ORM1: variants seen among roughly 807,000 people sequenced by gnomAD.
ORM1 encodes orosomucoid 1.
A neutral mutation model predicts 26.9 loss-of-function variants in ORM1; 13 were observed. That is an observed-to-expected ratio of 0.48 (90% confidence interval 0.31 to 0.77). ORM1 has a LOEUF of 0.77. ORM1 is among the 30% of genes least tolerant of loss of function. The pLI, the probability that ORM1 is intolerant of heterozygous loss-of-function variation, is 0.04. For synonymous variants in ORM1, 76 were observed against 102.2 expected (o/e 0.74, Z 1.55); for missense variants, 189 against 246.8 (o/e 0.77, Z 1.57).
chr9:114,325,669 C>T (rs187565575), intron 5 of ORM1, among the ~76,000 whole-genome samples: 469 of 152,028 alleles, frequency 3.1e-3, no homozygotes, highest in African/African-American at 0.01. Flanking sequence ...GGAAGACTTG[C>T]GTTGGTGTGG....
chr9:114,324,988 C>T lies in ORM1; in HGVS notation c.437-61C>T, dbSNP rs1422952221. ...TGGGCTGGCCCCTAGAACCCCAGCCCTCCCTGGCCTCCCGCCGGGCCCCAC... is the reference window on the plus strand; with the variant it reads ...TGGGCTGGCCCCTAGAACCCCAGCCTTCCCTGGCCTCCCGCCGGGCCCCAC... On this transcript the variant is annotated intron_variant, in intron 4 of 5. Transcript: ENST00000259396. 3.1e-6 allele frequency: 5 copies of T among 1,595,002 alleles called. No homozygotes were observed. The African/African-American group carries it at 6.7e-5, about 21-fold the overall frequency.
At chr9:114,324,920 A>T in intron 4 of ORM1, 23 bp downstream of exon 4, 1 of 1,606,930 alleles carries the variant, frequency 6.2e-7, no homozygotes, top group South Asian at 1.1e-5. Context: ...AGCAGCCCCA[A>T]ACTCATGCCC....
intron 3 of ORM1, 97 bp from the exon 4 acceptor site, chr9:114,324,693 C>G (rs1829739949): frequency 5.1e-6 from 5 of 988,400 alleles, no homozygotes; most frequent in Admixed American, 4.3e-5. Flanking sequence ...CACTGATGGG[C>G]TGTGTGGCCA....
At chr9:114,323,979 A>C in intron 2 of ORM1, 39 bp from the exon 3 acceptor site, 1 of 1,610,984 alleles carries the variant, frequency 6.2e-7, no homozygotes, top group Admixed American at 1.7e-5. Flanking sequence ...ACTTCTCAAT[A>C]ATCTTCCTGT....
chr9:114,326,059 C>T lies in ORM1; in HGVS notation c.541-233C>T, dbSNP rs372253280. Among the ~76,000 whole-genome samples, 128 of 150,196 alleles carry T rather than the reference C, an allele frequency of 8.5e-4. 2 individuals carry two copies. Among genetic ancestry groups the T allele is most frequent in the South Asian group, 5.0e-3 (24 of 4,812 alleles). Reference sequence around the variant, plus strand: ...GCAGGTCCTAAGTGCACAGTAAATGCCAGTGATTCTTAAGAGTCTGAGCTC... The same window carrying T: ...GCAGGTCCTAAGTGCACAGTAAATGTCAGTGATTCTTAAGAGTCTGAGCTC... On this transcript the variant is annotated intron_variant, in intron 5 of 5. Coordinates refer to ENST00000259396, the MANE Select transcript of ORM1 (RefSeq NM_000607.4).
chr9:114,325,089 C>A lies in ORM1; in HGVS notation c.477C>A (p.Phe159Leu). Residue 159 changes from phenylalanine to leucine, a missense_variant, in exon 5 of 6, where the codon TTC becomes TTA. Physicochemically the swap from Phe to Leu is conservative, Grantham distance 22 (BLOSUM62 0). Around this residue, in one of 3 missense-constraint regions of ORM1, gnomAD observed 163 missense variants for 157.7 expected, o/e 1.03. Coordinates refer to ENST00000259396, the MANE Select transcript of ORM1 (RefSeq NM_000607.4). ...PETTKEQLGE[F>L]YEALDCLRIP... The stretch of plus-strand genomic sequence containing the variant: ...CGACCAAGGAGCAACTGGGAGAGTT[C>A]TACGAAGCTCTCGACTGCTTGCGCA... The A allele has an allele frequency of 6.2e-7, 1 of 1,614,034 alleles. No individual in the cohort carries two copies. The highest frequency in any genetic ancestry group is 8.5e-7 in the Non-Finnish European group (1 of 1,179,890).
At chr9:114,324,761 C>T in intron 3 of ORM1, 29 bp from the exon 4 acceptor site, 2 of 1,566,794 alleles carry the variant, frequency 1.3e-6, no homozygotes, top group Non-Finnish European at 1.8e-6. Flanking sequence ...ATCCCATGTT[C>T]TCACCCAGAG....
At position 114,323,910 on chromosome 9, in the gene ORM1, G is replaced by C. The variant is rs374663137; in HGVS notation, c.257+105G>C. The C allele has an allele frequency of 1.6e-5, 26 of 1,604,590 alleles. No homozygotes were observed. The African/African-American group carries it at 2.7e-4, about 17-fold the overall frequency. ...TTGGCCTTCCCATGGGTGGAACCGGGAGGGCTGGCTTTAATCTCCACCAGA... is the reference window on the plus strand; with the variant it reads ...TTGGCCTTCCCATGGGTGGAACCGGCAGGGCTGGCTTTAATCTCCACCAGA... On this transcript the variant is annotated intron_variant, in intron 2 of 5. Coordinates refer to ENST00000259396, the MANE Select transcript of ORM1 (RefSeq NM_000607.4).
rs779105648 is a variant in ORM1, at chr9:114,324,810, G to T, written c.349G>T (p.Ala117Ser). Residue 117 changes from alanine (A) to serine (S), a missense_variant, in exon 4 of 6, where the codon GCT becomes TCT. Physicochemically the swap from Ala to Ser is moderately conservative, Grantham distance 99 (BLOSUM62 1). This residue lies in a region of ORM1 where 163 missense variants were observed against 157.7 expected (regional missense o/e 1.03). Coordinates refer to ENST00000259396, the MANE Select transcript of ORM1 (RefSeq NM_000607.4). ...TCCAGTGGGAGGCCAAGAGCATTTC[G>T]CTCACTTGCTGATCCTCAGGGACAC... The part of the protein sequence containing the change: ...SRYVGGQEHF[A>S]HLLILRDTKT... 5.0e-6 allele frequency: 8 copies of T among 1,613,866 alleles called. No individual in the cohort carries two copies. The highest frequency in any genetic ancestry group is 2.2e-5 in the South Asian group (2 of 91,082).
chr9:114,324,924 C>T (rs1206678750), intron 4 of ORM1, 27 bp downstream of exon 4: 2 of 1,605,364 alleles, frequency 1.2e-6, no homozygotes, highest in Non-Finnish European at 1.7e-6. Flanking sequence ...GCCCCAAACT[C>T]ATGCCCCTCT....
chr9:114,324,264 G>T (rs138579796), intron 3 of ORM1, among the ~76,000 whole-genome samples, 176 bp downstream of exon 3: 614 of 152,180 alleles, frequency 4.0e-3, no homozygotes, highest in African/African-American at 0.014. Flanking sequence ...GAGAATTAGA[G>T]GAGGAAAAAG....
At chr9:114,325,943 A>G (rs901221294) in intron 5 of ORM1, among the ~76,000 whole-genome samples, 27 of 151,964 alleles carry the variant, frequency 1.8e-4, no homozygotes, top group African/African-American at 5.8e-4. Context: ...GGAGCCTCGA[A>G]TGGGTCCCAA....
At chr9:114,325,591 C>T (rs950666868) in intron 5 of ORM1, among the ~76,000 whole-genome samples, 9 of 152,048 alleles carry the variant, frequency 5.9e-5, no homozygotes, top group African/African-American at 1.9e-4. Context: ...GTCACCATCC[C>T]GATTTTTGCT....
chr9:114,324,922 C>G, intron 4 of ORM1, 25 bp downstream of exon 4: 4 of 1,605,164 alleles, frequency 2.5e-6, no homozygotes, highest in Non-Finnish European at 3.4e-6. Flanking sequence ...CAGCCCCAAA[C>G]TCATGCCCCT....
chr9:114,324,830 G>T lies in ORM1; in HGVS notation c.369G>T (p.Arg123Ser). 1 of 1,614,154 alleles carries T rather than the reference G, an allele frequency of 6.2e-7. No individual in the cohort carries two copies. The highest frequency in any genetic ancestry group is 8.5e-7 in the Non-Finnish European group (1 of 1,180,010). Reference sequence around the variant, plus strand: ...ATTTCGCTCACTTGCTGATCCTCAGGGACACCAAGACCTACATGCTTGCTT... The same window carrying T: ...ATTTCGCTCACTTGCTGATCCTCAGTGACACCAAGACCTACATGCTTGCTT... ...QEHFAHLLIL[R>S]DTKTYMLAFD... The change falls in exon 4 of 6, where the codon AGG (arginine) becomes AGT (serine). Residue 123 changes from arginine (R) to serine (S), a missense_variant. By Grantham distance (110) the Arg-to-Ser change is moderately radical. Coordinates refer to ENST00000259396, the MANE Select transcript of ORM1 (RefSeq NM_000607.4).
intron 3 of ORM1, among the ~76,000 whole-genome samples, chr9:114,324,480 G>T (rs770916526): frequency 1.3e-3 from 198 of 152,074 alleles, no homozygotes; most frequent in African/African-American, 3.5e-3. Context: ...ATGGCAGGGA[G>T]CTGATGGAGC....
intron 4 of ORM1, 76 bp downstream of exon 4, chr9:114,324,973 C>T: frequency 1.3e-6 from 2 of 1,586,748 alleles, no homozygotes; most frequent in Non-Finnish European, 1.7e-6. Context: ...TGGGCTGGCC[C>T]CTAGAACCCC....
rs758317758 is a variant in ORM1, at chr9:114,325,150, A to C, written c.538A>C (p.Lys180Gln). 9.3e-6 allele frequency: 15 copies of C among 1,613,932 alleles called. No individual in the cohort carries two copies. Among genetic ancestry groups the C allele is most frequent in the Non-Finnish European group, 1.3e-5 (15 of 1,179,792 alleles). Residue 180 changes from lysine to glutamine, a missense_variant and splice_region_variant, in exon 5 of 6, where the codon AAG becomes CAG. Around this residue, in one of 3 missense-constraint regions of ORM1, gnomAD observed 163 missense variants for 157.7 expected, o/e 1.03. Coordinates refer to ENST00000259396, the MANE Select transcript of ORM1 (RefSeq NM_000607.4). ...AGATGTCGTGTACACCGATTGGAAAAAGGTAAACGCAAGGGATTGGACAGT... is the reference window on the plus strand; with the variant it reads ...AGATGTCGTGTACACCGATTGGAAACAGGTAAACGCAAGGGATTGGACAGT... ...KSDVVYTDWK[K>Q]DKCEPLEKQH...
chr9:114,324,272 A>G (rs557196309), intron 3 of ORM1, among the ~76,000 whole-genome samples, 184 bp downstream of exon 3: 74 of 152,042 alleles, frequency 4.9e-4, no homozygotes, highest in Non-Finnish European at 1.5e-5. Context: ...GAGGAGGAAA[A>G]AGAAGAACAG....
Sources: gnomAD v4.1 joint callset for allele counts (sites outside exome capture counted in the v4.1 genomes callset) on GRCh38, gnomAD v4.1.1 for gene constraint, gnomAD v4.1.1 regional missense constraint, MANE v1.5 for transcripts, NCBI Gene and HGNC (gene_info 2026-07-23, HGNC 2026-07-21) for gene names.